Variants in ACTR2 observed in about 807,000 individuals in gnomAD.
ACTR2 encodes the protein actin related protein 2, also known as actin-related protein 2.
ACTR2 carries 5 observed loss-of-function variants against 50.2 expected under a neutral mutation model. The observed-to-expected ratio is 0.10, with a 90% CI of 0.05 to 0.21. The LOEUF is 0.21. Ranked by LOEUF, ACTR2 falls within the 10% of genes least tolerant of loss-of-function variation. The pLI is 1.00. For synonymous variants in ACTR2, 140 were observed against 162.9 expected, an observed-to-expected ratio of 0.86 and a Z score of 1.07; for missense variants, 180 against 480.6, an observed-to-expected ratio of 0.37 and a Z score of 5.85.
At chr2:65,240,948 G>A (rs1419536918) in intron 2 of ACTR2, among the ~76,000 whole-genome samples, 2 of 151,944 alleles carry the variant, frequency 1.3e-5, no homozygotes, top group Non-Finnish European at 2.9e-5. Flanking sequence ...TTGGGATAGA[G>A]AGTTGAGTTA....
At chr2:65,243,982 AT>A (rs759094778) in intron 2 of ACTR2, among the ~76,000 whole-genome samples, 80 of 152,106 alleles carry the variant, frequency 5.3e-4, no homozygotes, top group Non-Finnish European at 9.1e-4. Context: ...CGATATGAAA[AT>A]TTTTTAATTG....
intron 8 of ACTR2, among the ~76,000 whole-genome samples, chr2:65,267,862 CTTTTTTTTTTTTTTTTTTTT>C (rs70943640): frequency 2.1e-5 from 1 of 47,386 alleles, no homozygotes; most frequent in African/African-American, 7.9e-5. Flanking sequence ...TGCAAGTCCT[CTTTTTTTTTTTTTTTTTTTT>C]TTTTTTTTGA....
In ACTR2 at chr2:65,268,789, C is replaced by T; in HGVS notation, c.*55C>T. The T allele has an allele frequency of 1.9e-6, 3 of 1,557,046 alleles. No homozygotes were observed. Among genetic ancestry groups the T allele is most frequent in the Non-Finnish European group, 2.6e-6 (3 of 1,145,738 alleles). On this transcript the variant is annotated 3_prime_UTR_variant, in exon 9 of 9. Transcript: ENST00000260641. ...AATGCTTTCTTTTTTCCTTTATTGC[C>T]AATCTTTGAACTCATTCAACTCCAG...
At chr2:65,235,611 C>T (rs1671724308) in intron 1 of ACTR2, among the ~76,000 whole-genome samples, 1 of 151,996 alleles carries the variant, frequency 6.6e-6, no homozygotes, top group African/African-American at 2.4e-5. Context: ...AAAAATTAGC[C>T]AGGTGCAGTG....
Position 65,253,860 on chromosome 2 carries a change from T to C in ACTR2, c.581T>C (p.Ile194Thr), listed in dbSNP as rs1456026089. Residue 194 changes from isoleucine (I) to threonine (T), a missense_variant, in exon 5 of 9, where the codon ATC (isoleucine) becomes ACC (threonine). Ile to Thr is a moderately conservative substitution (Grantham distance 89). Coordinates refer to ENST00000260641, the MANE Select transcript of ACTR2 (RefSeq NM_005722.4). Reference protein sequence around the residue: ...IAGRDITRYLIKLLLLRGYAF... With the variant: ...IAGRDITRYLTKLLLLRGYAF... Reference sequence around the variant, plus strand: ...GGGAGGGATATAACTAGATATCTTATCAAGGTAAGTGAAAGGAAAATATCA... The same window carrying C: ...GGGAGGGATATAACTAGATATCTTACCAAGGTAAGTGAAAGGAAAATATCA... 6.2e-7 allele frequency: 1 copy of C among 1,610,518 alleles called. No homozygotes were observed. The highest frequency in any genetic ancestry group is 1.7e-5 in the Admixed American group (1 of 59,754).
intron 6 of ACTR2, among the ~76,000 whole-genome samples, chr2:65,258,366 A>G (rs1377646826): frequency 6.6e-6 from 1 of 152,142 alleles, no homozygotes; most frequent in East Asian, 1.9e-4. Context: ...ACTTGAGGCC[A>G]GGAGTTCATG....
chr2:65,252,840 G>A (rs180674271), intron 4 of ACTR2, among the ~76,000 whole-genome samples: 1 of 152,206 alleles, frequency 6.6e-6, no homozygotes, highest in East Asian at 1.9e-4. Flanking sequence ...GGTTGCACAT[G>A]CCTATAATCC....
At chr2:65,267,843 A>G (rs141952615) in intron 8 of ACTR2, among the ~76,000 whole-genome samples, 158 of 138,038 alleles carry the variant, frequency 1.1e-3, no homozygotes, top group African/African-American at 4.0e-3. Context: ...TGAGACCTTG[A>G]AGAAGTCATG....
chr2:65,234,131 C>T (rs143820299), intron 1 of ACTR2, among the ~76,000 whole-genome samples: 230 of 152,162 alleles, frequency 1.5e-3, no homozygotes, highest in Non-Finnish European at 2.6e-3. Flanking sequence ...AGGCTGGTCT[C>T]GAACTCCTGG....
intron 2 of ACTR2, chr2:65,242,107 C>A: frequency 7.1e-7 from 1 of 1,408,966 alleles, no homozygotes; most frequent in Non-Finnish European, 1.0e-6. Context: ...TCCACTTTTG[C>A]TTGATGGGAC....
intron 6 of ACTR2, among the ~76,000 whole-genome samples, chr2:65,259,636 T>C (rs571879621): frequency 1.2e-3 from 184 of 152,138 alleles, no homozygotes; most frequent in Non-Finnish European, 1.8e-3. Context: ...GGCTGAGGTA[T>C]GAGAATCATT....
intron 1 of ACTR2, among the ~76,000 whole-genome samples, chr2:65,235,602 A>G (rs1443371394): frequency 2.6e-5 from 4 of 152,154 alleles, no homozygotes; most frequent in African/African-American, 9.7e-5. Flanking sequence ...TAAAAATACA[A>G]AAATTAGCCA....
chr2:65,229,708 A>G (rs1370113547), intron 1 of ACTR2, among the ~76,000 whole-genome samples: 2 of 146,982 alleles, frequency 1.4e-5, no homozygotes, highest in East Asian at 4.0e-4. Flanking sequence ...GTGAGCCGAG[A>G]TCGCACCACT....
At chr2:65,243,359 G>T (rs1455725428) in intron 2 of ACTR2, among the ~76,000 whole-genome samples, 1 of 152,150 alleles carries the variant, frequency 6.6e-6, no homozygotes, top group Non-Finnish European at 1.5e-5. Context: ...ACCGAGTGAG[G>T]TGTTTCATGC....
intron 6 of ACTR2, 25 bp from the exon 7 acceptor site, chr2:65,261,222 G>A: frequency 6.2e-7 from 1 of 1,613,424 alleles, no homozygotes; most frequent in Non-Finnish European, 8.5e-7. Flanking sequence ...TTGCTGATTA[G>A]TACCTGATTA....
intron 1 of ACTR2, among the ~76,000 whole-genome samples, chr2:65,235,570 C>CT (rs958003578): frequency 7.9e-5 from 12 of 152,154 alleles, no homozygotes; most frequent in African/African-American, 2.9e-4. Flanking sequence ...TCTTGACCAA[C>CT]TTGGTGAAAC....
At chr2:65,252,131 G>A (rs1672063754) in intron 4 of ACTR2, among the ~76,000 whole-genome samples, 1 of 152,112 alleles carries the variant, frequency 6.6e-6, no homozygotes, top group Non-Finnish European at 1.5e-5. Context: ...ATAAGGTGAG[G>A]TGGGTAGGGA....
chr2:65,234,761 G>C (rs1181527430), intron 1 of ACTR2, among the ~76,000 whole-genome samples: 1 of 152,150 alleles, frequency 6.6e-6, no homozygotes, highest in Non-Finnish European at 1.5e-5. Flanking sequence ...TTCTCACTTA[G>C]TAAACTTATT....
At chr2:65,233,105 C>T (rs1343678527) in intron 1 of ACTR2, among the ~76,000 whole-genome samples, 2 of 151,842 alleles carry the variant, frequency 1.3e-5, no homozygotes, top group Non-Finnish European at 2.9e-5. Flanking sequence ...AGCAATTCTC[C>T]TGCCTCAGCC....
Sources: allele counts gnomAD v4.1 joint callset (sites outside exome capture counted in the v4.1 genomes callset), GRCh38; gene constraint gnomAD v4.1.1; transcripts MANE v1.5; gene names NCBI Gene and HGNC (gene_info 2026-07-23, HGNC 2026-07-21).